The following AK5 variants were observed in gnomAD, a reference collection of about 807,000 sequenced individuals.
The protein encoded by AK5 is adenylate kinase isoenzyme 5.
A neutral mutation model predicts 69.5 loss-of-function variants in AK5; 27 were observed. The ratio of observed to expected loss-of-function variants is 0.39; its 90% CI spans 0.29 to 0.54. The LOEUF (loss-of-function observed/expected upper bound fraction) is 0.54, where lower values mean the gene tolerates loss of function less well. AK5 is among the 20% of genes least tolerant of loss of function. The pLI, the probability that AK5 is intolerant of heterozygous loss-of-function variation, is 0.71. For missense variants in AK5, 531 were observed against 700.4 expected (o/e 0.76, Z 2.73); for synonymous variants, 260 against 244.4 (o/e 1.06, Z -0.60).
In AK5 at chr1:77,355,876, C is replaced by T. The variant is rs1020935849; in HGVS notation, c.891+15308C>T. On this transcript the variant is annotated intron_variant, in intron 6 of 13. Coordinates refer to ENST00000354567, the MANE Select transcript of AK5 (RefSeq NM_174858.3). Reference sequence around the variant, plus strand: ...TGATGACCCTCATTAAATACACACACACACACACACACACACACACACACA... The same window carrying T: ...TGATGACCCTCATTAAATACACACATACACACACACACACACACACACACA... Among the ~76,000 whole-genome samples, 78 of 106,764 alleles carry T rather than the reference C, an allele frequency of 7.3e-4. 1 individual carries two copies. In the South Asian group the frequency reaches 0.019, roughly 26 times the overall value. 70.0% of individuals were successfully genotyped at this position (106,764 alleles called of 152,430 possible). A position where few individuals can be genotyped will look rare whatever the true frequency, so the allele number is the denominator to read the frequency against.
At chr1:77,364,847 C>CTTCAGTATACTGATTGCTTTTCCTT (rs1646924014) in intron 6 of AK5, among the ~76,000 whole-genome samples, 1 of 152,136 alleles carries the variant, frequency 6.6e-6, no homozygotes, top group Non-Finnish European at 1.5e-5. Flanking sequence ...ACAGCTGTCT[C>CTTCAGTATACTGATTGCTTTTCCTT]TTCAGTATAC....
intron 3 of AK5, among the ~76,000 whole-genome samples, chr1:77,295,282 A>G (rs1187086025): frequency 2.0e-5 from 3 of 152,226 alleles, no homozygotes; most frequent in African/African-American, 4.8e-5. Flanking sequence ...GTTGACAACT[A>G]GGACAAAAGC....
At position 77,535,968 on chromosome 1, in the gene AK5, G is replaced by T. The variant is rs771419630; in HGVS notation, c.1550G>T (p.Arg517Leu). 12 of 1,613,642 alleles carry T rather than the reference G, an allele frequency of 7.4e-6. No individual in the cohort carries two copies. The highest frequency in any genetic ancestry group is 1.0e-5 in the Non-Finnish European group (12 of 1,179,958). ...GACACCACCAAGACCATCGCCAAGC[G>T]CCTAGAAGCCTACTACCGAGCGTCC... ...VDDTTKTIAK[R>L]LEAYYRASIP... Residue 517 changes from arginine (R) to leucine (L), a missense_variant, in exon 13 of 14, where the codon CGC becomes CTC. Transcript: ENST00000354567.
rs562017497 is a variant in AK5, at chr1:77,425,518, C to T, written c.1059+7803C>T. Among the ~76,000 whole-genome samples the T allele has an allele frequency of 2.4e-4, 36 of 152,064 alleles. No homozygotes were observed. The East Asian group carries it at 3.1e-3, about 13-fold the overall frequency. On this transcript the variant is annotated intron_variant, in intron 8 of 13. Coordinates refer to ENST00000354567, the MANE Select transcript of AK5 (RefSeq NM_174858.3). ...AGGAGAATTGCTTGAAACCAGGAGG[C>T]GGAGGTTGCAGTGAGCCAAGATCAT...
intron 6 of AK5, among the ~76,000 whole-genome samples, chr1:77,364,249 T>G (rs1646913153): frequency 6.6e-6 from 1 of 152,210 alleles, no homozygotes; most frequent in African/African-American, 2.4e-5. Flanking sequence ...ATTTTTTAAT[T>G]GACATATAAT....
chr1:77,558,620 C>A lies in AK5; in HGVS notation c.1639C>A (p.Pro547Thr), dbSNP rs1395838589. 4 of 1,599,262 alleles carry A rather than the reference C, an allele frequency of 2.5e-6. No homozygotes were observed. The highest frequency in any genetic ancestry group is 2.2e-5 in the East Asian group (1 of 44,714). ...AATATAGATAAATGCAGAGGGAACACCAGAGGACGTTTTTCTTCAACTCTG... is the reference window on the plus strand; with the variant it reads ...AATATAGATAAATGCAGAGGGAACAACAGAGGACGTTTTTCTTCAACTCTG... ...QLHKINAEGTPEDVFLQLCTA... is the reference protein window; with the variant it reads ...QLHKINAEGTTEDVFLQLCTA... The change falls in exon 14 of 14, where the codon CCA (proline) becomes ACA (threonine). Residue 547 changes from proline (P) to threonine (T), a missense_variant. Pro to Thr is a conservative substitution (Grantham distance 38). Coordinates refer to ENST00000354567, the MANE Select transcript of AK5 (RefSeq NM_174858.3).
At chr1:77,322,682 C>G (rs1436722399) in intron 5 of AK5, among the ~76,000 whole-genome samples, 1 of 152,104 alleles carries the variant, frequency 6.6e-6, no homozygotes, top group Non-Finnish European at 1.5e-5. Context: ...ATTCACACAT[C>G]TAGTTAACGT....
rs552522483 is a variant in AK5, at chr1:77,323,972, T to C, written c.700-16405T>C. On this transcript the variant is annotated intron_variant, in intron 5 of 13. Coordinates refer to ENST00000354567, the MANE Select transcript of AK5 (RefSeq NM_174858.3). ...TGTGAGAATGATTACATTTCAGTGC[T>C]CTGGCTCCCTGCTGGAGCAGAAGAC... Among the ~76,000 whole-genome samples, 14 of 152,344 alleles carry C rather than the reference T, an allele frequency of 9.2e-5. No individual in the cohort carries two copies. The South Asian group carries it at 2.5e-3, about 27-fold the overall frequency.
chr1:77,507,815 G>C (rs1657110704), intron 10 of AK5, among the ~76,000 whole-genome samples: 1 of 152,200 alleles, frequency 6.6e-6, no homozygotes, highest in South Asian at 2.1e-4. Flanking sequence ...TAATCTAGAA[G>C]TTCCAAATCA....
intron 5 of AK5, among the ~76,000 whole-genome samples, chr1:77,301,864 C>T (rs1346705173): frequency 6.6e-6 from 1 of 152,174 alleles, no homozygotes; most frequent in Non-Finnish European, 1.5e-5. Flanking sequence ...AGGTCCTTGC[C>T]CTGGCAGTTC....
rs540055673 is a variant in AK5, at chr1:77,417,526, G to A, written c.983-113G>A. 1.3e-4 allele frequency: 93 copies of A among 692,264 alleles called. 1 individual carries two copies. The highest frequency in any genetic ancestry group is 8.8e-4 in the South Asian group (54 of 61,662). 42.9% of individuals were successfully genotyped at this position (692,264 alleles called of 1,614,324 possible). On this transcript the variant is annotated intron_variant, in intron 7 of 13. Transcript: ENST00000354567. The stretch of plus-strand genomic sequence containing the variant: ...TGGCAGATGAGAACAGTCTAGAAAT[G>A]TTTGTGAATTTAATGTGATATAGGA...
chr1:77,446,792 C>T (rs1022964115), intron 8 of AK5, among the ~76,000 whole-genome samples: 7 of 152,036 alleles, frequency 4.6e-5, no homozygotes, highest in African/African-American at 1.7e-4. Context: ...TTTGTAAAGC[C>T]GATTTAAAAT....
chr1:77,365,829 C>A (rs549278027), intron 6 of AK5, among the ~76,000 whole-genome samples: 1 of 152,280 alleles, frequency 6.6e-6, no homozygotes, highest in East Asian at 1.9e-4. Flanking sequence ...GTGATGTTTC[C>A]AAGAGGTTTC....
At chr1:77,456,729 G>GAACC (rs1653508034) in intron 8 of AK5, among the ~76,000 whole-genome samples, 1 of 152,160 alleles carries the variant, frequency 6.6e-6, no homozygotes, top group South Asian at 2.1e-4. Flanking sequence ...GCAGAATGGG[G>GAACC]AAGGAGTGAC....
intron 5 of AK5, among the ~76,000 whole-genome samples, chr1:77,319,511 TTA>T (rs1190278060): frequency 6.6e-6 from 1 of 152,220 alleles, no homozygotes; most frequent in Non-Finnish European, 1.5e-5. Context: ...CTTCATTCTT[TTA>T]TGCCAGCACA....
At chr1:77,497,402 G>A (rs1268746308) in intron 10 of AK5, among the ~76,000 whole-genome samples, 3 of 152,140 alleles carry the variant, frequency 2.0e-5, no homozygotes, top group Non-Finnish European at 4.4e-5. Context: ...ATCCGAACAT[G>A]TGAAGGAACA....
chr1:77,473,696 T>A (rs12754926), intron 8 of AK5, among the ~76,000 whole-genome samples: 1 of 152,102 alleles, frequency 6.6e-6, no homozygotes, highest in Non-Finnish European at 1.5e-5. Context: ...TTACTTAGCA[T>A]GTCTCTGTTA....
At chr1:77,441,648 T>C (rs868677770) in intron 8 of AK5, among the ~76,000 whole-genome samples, 5 of 152,206 alleles carry the variant, frequency 3.3e-5, no homozygotes, top group Admixed American at 1.3e-4. Flanking sequence ...ATTGTTAATA[T>C]CCTCAGTGGC....
chr1:77,449,732 A>G (rs761578065), intron 8 of AK5, among the ~76,000 whole-genome samples: 13 of 152,092 alleles, frequency 8.5e-5, no homozygotes, highest in Non-Finnish European at 1.5e-4. Context: ...CTTTTATGGG[A>G]GGAACCCAGT....
Sources: allele counts gnomAD v4.1 joint callset (sites outside exome capture counted in the v4.1 genomes callset), GRCh38; gene constraint gnomAD v4.1.1; transcripts MANE v1.5; gene names NCBI Gene and HGNC (gene_info 2026-07-23, HGNC 2026-07-21).